TAF4: variants seen among roughly 807,000 people sequenced by gnomAD.
TAF4 encodes transcription initiation factor TFIID subunit 4.
In TAF4, 9 loss-of-function variants were observed where a neutral mutation model predicts 90.3. The observed-to-expected ratio is 0.10, with a 90% CI of 0.06 to 0.17. The LOEUF (loss-of-function observed/expected upper bound fraction) is 0.17. Ranked by LOEUF, TAF4 falls within the 10% of genes least tolerant of loss-of-function variation. The probability of loss-of-function intolerance (pLI) is 1.00; values close to 1 mark genes in which losing one functional copy is unlikely to be tolerated. For missense variants in TAF4, 1,351 were observed against 1,370.7 expected, an observed-to-expected ratio of 0.99 and a Z score of 0.23; for synonymous variants, 818 against 638.9, an observed-to-expected ratio of 1.28 and a Z score of -4.23.
intron 14 of TAF4, among the ~76,000 whole-genome samples, chr20:61,997,276 A>G (rs2055669063): frequency 6.6e-6 from 1 of 152,236 alleles, no homozygotes; most frequent in African/African-American, 2.4e-5. Context: ...TCTGACAGTT[A>G]TAACTTCCCC....
At chr20:62,048,785 G>T (rs550903637) in intron 1 of TAF4, among the ~76,000 whole-genome samples, 36 of 123,234 alleles carry the variant, frequency 2.9e-4, no homozygotes, top group Admixed American at 2.7e-3. Flanking sequence ...CCCTCTCCCC[G>T]CATGCCCACC....
At chr20:62,027,259 G>A (rs566218403) in intron 1 of TAF4, among the ~76,000 whole-genome samples, 55 of 152,268 alleles carry the variant, frequency 3.6e-4, no homozygotes, top group Admixed American at 7.2e-4. Context: ...GCCGAGCAGC[G>A]TCGTCAAAAG....
In TAF4 at chr20:61,982,139, A is replaced by T. The variant is rs183248661; in HGVS notation, c.3091-5804T>A. Among the ~76,000 whole-genome samples, 4 of 97,782 alleles carry T rather than the reference A, an allele frequency of 4.1e-5. 1 individual carries two copies. The East Asian group carries it at 2.2e-3, about 53-fold the overall frequency. 64.1% of individuals were successfully genotyped at this position (97,782 alleles called of 152,430 possible). A position where few individuals can be genotyped will look rare whatever the true frequency, so the allele number is the denominator to read the frequency against. On this transcript the variant is annotated intron_variant, in intron 14 of 14. Coordinates refer to ENST00000252996, the MANE Select transcript of TAF4 (RefSeq NM_003185.4). ...GAGAGGAGACATCAAACCCATACCC[A>T]CCCTAGAAGAGACACCAAACTCACA... is the stretch of plus-strand genomic sequence containing the variant.
At chr20:61,999,220 T>C in intron 11 of TAF4, 112 bp from the exon 12 acceptor site, 2 of 1,401,378 alleles carry the variant, frequency 1.4e-6, no homozygotes, top group Non-Finnish European at 9.7e-7. Flanking sequence ...CCGTCCAGTC[T>C]GAATGCGGCG....
At position 62,006,377 on chromosome 20, in the gene TAF4, C is replaced by G; in HGVS notation, c.2223+133G>C. ...TCTATTTTAACTATTTAAGGTAATACCCAAGCTTCCTCTAGCAGGAGGCTT... is the reference window on the plus strand; with the variant it reads ...TCTATTTTAACTATTTAAGGTAATAGCCAAGCTTCCTCTAGCAGGAGGCTT... On this transcript the variant is annotated intron_variant, in intron 7 of 14. Transcript: ENST00000252996. The surrounding 1 kb of genome is among the most constrained non-coding windows in gnomAD (Gnocchi z 7.0). 1 of 1,194,606 alleles carries G rather than the reference C, an allele frequency of 8.4e-7. No individual in the cohort carries two copies. Among genetic ancestry groups the G allele is most frequent in the Non-Finnish European group, 1.1e-6 (1 of 933,492 alleles). 74.0% of individuals were successfully genotyped at this position (1,194,606 alleles called of 1,614,324 possible). A position where few individuals can be genotyped will look rare whatever the true frequency, so the allele number is the denominator to read the frequency against.
Position 62,006,640 on chromosome 20 carries a change from A to G in TAF4, c.2093T>C (p.Leu698Pro), listed in dbSNP as rs1318235570. Residue 698 changes from leucine (L) to proline (P), a missense_variant, in exon 7 of 15, where the codon CTG becomes CCG. Coordinates refer to ENST00000252996, the MANE Select transcript of TAF4 (RefSeq NM_003185.4). The surrounding 1 kb of genome is among the most constrained non-coding windows in gnomAD (Gnocchi z 7.0). Reference sequence around the variant, plus strand: ...GGCCGTGCGCTGGACCGAGCTACTCAGCACCACGGCCGTGAGCGCAGTGGT... The same window carrying G: ...GGCCGTGCGCTGGACCGAGCTACTCGGCACCACGGCCGTGAGCGCAGTGGT... ...QATTALTAVV[L>P]SSSVQRTAGK... 5.6e-6 allele frequency: 9 copies of G among 1,601,870 alleles called. No individual in the cohort carries two copies. The highest frequency in any genetic ancestry group is 7.7e-6 in the Non-Finnish European group (9 of 1,172,856).
In TAF4 at chr20:62,047,543, C is replaced by A. The variant is rs188988455; in HGVS notation, c.1360+16908G>T. On this transcript the variant is annotated intron_variant, in intron 1 of 14. Coordinates refer to ENST00000252996, the MANE Select transcript of TAF4 (RefSeq NM_003185.4). Reference sequence around the variant, plus strand: ...TCCCCACCCCCGCACAAGAAAGGGGCGCTGAGAAGAGTAAGTCCACAGGCA... The same window carrying A: ...TCCCCACCCCCGCACAAGAAAGGGGAGCTGAGAAGAGTAAGTCCACAGGCA... Among the ~76,000 whole-genome samples, 544 of 152,272 alleles carry A rather than the reference C, an allele frequency of 3.6e-3. 1 individual carries two copies. Among genetic ancestry groups the A allele is most frequent in the South Asian group, 6.0e-3 (29 of 4,824 alleles).
At chr20:62,015,440 T>A (rs1424956637) in intron 1 of TAF4, among the ~76,000 whole-genome samples, 1 of 152,164 alleles carries the variant, frequency 6.6e-6, no homozygotes, top group African/African-American at 2.4e-5. Context: ...AACACAATTG[T>A]CCAACTTTTA....
At chr20:62,064,428 TC>T (rs767433800) in intron 1 of TAF4, 22 bp downstream of exon 1, 1 of 1,332,538 alleles carries the variant, frequency 7.5e-7, no homozygotes, top group Admixed American at 3.7e-5. Flanking sequence ...CGCCCTTCCC[TC>T]CCGCCCCGTG....
At chr20:62,012,474 GTCC>G (rs1361467753) in intron 3 of TAF4, 1 of 184,766 alleles carries the variant, frequency 5.4e-6, no homozygotes, top group African/African-American at 2.4e-5. Flanking sequence ...CACACACACT[GTCC>G]TCACCGCAGG....
chr20:62,008,413 G>A (rs28382075), intron 5 of TAF4, among the ~76,000 whole-genome samples: 18,195 of 152,054 alleles, frequency 0.12, 1,431 homozygotes, highest in East Asian at 0.44. Context: ...GTGGACAGCC[G>A]AGAGCTCGGC....
At chr20:62,024,908 G>A (rs979382741) in intron 1 of TAF4, among the ~76,000 whole-genome samples, 3 of 151,184 alleles carry the variant, frequency 2.0e-5, no homozygotes, top group Non-Finnish European at 4.4e-5. Context: ...TAGACCCTTC[G>A]CCAAAGGTGG....
chr20:62,046,923 T>G (rs767587535), intron 1 of TAF4, among the ~76,000 whole-genome samples: 1 of 152,222 alleles, frequency 6.6e-6, no homozygotes, highest in Non-Finnish European at 1.5e-5. Flanking sequence ...TGTCGTCTTG[T>G]TATTTAGTCG....
At chr20:62,017,771 T>G (rs1195804817) in intron 1 of TAF4, among the ~76,000 whole-genome samples, 1 of 151,714 alleles carries the variant, frequency 6.6e-6, no homozygotes, top group Non-Finnish European at 1.5e-5. Flanking sequence ...GAGGCGGAGG[T>G]TGCAGTGAGC....
intron 10 of TAF4, 59 bp downstream of exon 10, chr20:62,000,493 T>G: frequency 6.4e-7 from 1 of 1,564,328 alleles, no homozygotes; most frequent in South Asian, 1.2e-5. Context: ...CACCTGAAGC[T>G]CCCATGCCCC....
chr20:61,982,140 C>A (rs2055548162), intron 14 of TAF4, among the ~76,000 whole-genome samples: 1 of 109,448 alleles, frequency 9.1e-6, no homozygotes, highest in Non-Finnish European at 1.8e-5. Context: ...CCCATACCCA[C>A]CCTAGAAGAG....
chr20:62,024,871 C>CAAA (rs75409638), intron 1 of TAF4, among the ~76,000 whole-genome samples: 2 of 136,872 alleles, frequency 1.5e-5, no homozygotes, highest in Admixed American at 7.4e-5. Context: ...CTCCGCGTCT[C>CAAA]AAAAAAAAAA....
intron 1 of TAF4, among the ~76,000 whole-genome samples, chr20:62,061,494 A>G (rs1354195640): frequency 1.3e-5 from 2 of 152,256 alleles, no homozygotes; most frequent in Non-Finnish European, 1.5e-5. Context: ...ATGAAAGCAC[A>G]ATAGACCAAG....
rs571488408 is a variant in TAF4 at position 62,065,881 on chromosome 20, T to G, written c.-71A>C. 9.6e-7 allele frequency: 1 copy of G among 1,038,340 alleles called. No individual in the cohort carries two copies. The highest frequency in any genetic ancestry group is 1.8e-5 in the African/African-American group (1 of 54,778). The allele number at this position is 1,038,340 out of a possible 1,614,324, so 64.3% of individuals were successfully genotyped here. On this transcript the variant is annotated 5_prime_UTR_variant, in exon 1 of 15. Coordinates refer to ENST00000252996, the MANE Select transcript of TAF4 (RefSeq NM_003185.4). ...GCCTGGGCGAGGAGGAGGTTCCGAC[T>G]GGGGCGGGCGCTGGGCGGGCGGGGG...
Sources: gnomAD v4.1 joint callset for allele counts (sites outside exome capture counted in the v4.1 genomes callset) on GRCh38, gnomAD v4.1.1 for gene constraint, Gnocchi (gnomAD v3.1) non-coding constraint, MANE v1.5 for transcripts, NCBI Gene and HGNC (gene_info 2026-07-23, HGNC 2026-07-21) for gene names.